Variants in COL2A1 observed in about 807,000 individuals in gnomAD.
COL2A1 encodes collagen type II alpha 1 chain.
Under a neutral mutation model 204.5 loss-of-function variants are expected in COL2A1, and 28 were observed. That is an observed-to-expected ratio of 0.14 (90% CI 0.10 to 0.19). COL2A1 has a LOEUF of 0.19. Ranked by LOEUF, COL2A1 falls within the 10% of genes least tolerant of loss-of-function variation. The pLI is 1.00. For missense variants in COL2A1, 1,388 were observed against 2,027.5 expected (o/e 0.68, Z 6.06); for synonymous variants, 708 against 718.7 (o/e 0.99, Z 0.24).
chr12:47,998,503 C>G (rs910332385), intron 2 of COL2A1, 72 bp from the exon 3 acceptor site: 2 of 1,478,278 alleles, frequency 1.4e-6, no homozygotes, highest in Non-Finnish European at 9.3e-7. Flanking sequence ...TCTTGTCACT[C>G]AAACACTCAT....
chr12:47,985,204 T>C, intron 26 of COL2A1, 111 bp from the exon 27 acceptor site: 1 of 845,286 alleles, frequency 1.2e-6, no homozygotes. Flanking sequence ...CAGCCACACA[T>C]GCTCAGCATC....
intron 12 of COL2A1, 78 bp from the exon 13 acceptor site, chr12:47,994,125 C>G (rs1939834667): frequency 1.3e-6 from 2 of 1,527,040 alleles, no homozygotes; most frequent in African/African-American, 2.7e-5. Flanking sequence ...AGGAGGGCCT[C>G]CAGTTCCCTT....
Position 47,985,117 on chromosome 12 carries a change from A to G in COL2A1, c.1735-24T>C, listed in dbSNP as rs41317933. ...CCCTGAAAGACAGAACACCATTCTCAGAACATAGACACTCTGACCACATCC... is the reference window on the plus strand; with the variant it reads ...CCCTGAAAGACAGAACACCATTCTCGGAACATAGACACTCTGACCACATCC... On this transcript the variant is annotated intron_variant, in intron 26 of 53. Coordinates refer to ENST00000380518, the MANE Select transcript of COL2A1 (RefSeq NM_001844.5). The G allele has an allele frequency of 0.063, 99,682 of 1,582,242 alleles. 3,652 individuals are homozygous for G. Among genetic ancestry groups the G allele is most frequent in the Non-Finnish European group, 0.075 (86,024 of 1,153,416 alleles).
intron 16 of COL2A1, among the ~76,000 whole-genome samples, chr12:47,990,105 C>T (rs1939636831): frequency 6.6e-6 from 1 of 152,184 alleles, no homozygotes; most frequent in African/African-American, 2.4e-5. Context: ...CTCTCAAGTT[C>T]AAGCAATTCT....
rs769447809 is a variant in COL2A1 at position 47,985,810 on chromosome 12, C to T, written c.1598G>A (p.Arg533Gln). 5.0e-6 allele frequency: 8 copies of T among 1,611,496 alleles called. No homozygotes were observed. Among genetic ancestry groups the T allele is most frequent in the East Asian group, 2.2e-5 (1 of 44,796 alleles). Residue 533 changes from arginine to glutamine, a missense_variant, in exon 25 of 54, where the codon CGA becomes CAA. This residue lies in a region of COL2A1 where 884 missense variants were observed against 1,415.8 expected (regional missense o/e 0.62). Transcript: ENST00000380518. ...GGGGCCAGCAAGACCACTGGGCCCT[C>T]GCTCTCCAGGGGCTCCCTACAAGGG... ...LAGPKGAPGE[R>Q]GPSGLAGPKG... is the part of the protein sequence containing the mutation.
Position 47,976,398 on chromosome 12 carries a change from G to T in COL2A1, c.3489+116C>A. ...GAGCCAGTCCTGCCCCCATTACTGA[G>T]TGAGGACCCCTGAGCCCACAGCTTC... is the stretch of plus-strand genomic sequence containing the variant. On this transcript the variant is annotated intron_variant, in intron 49 of 53. Coordinates refer to ENST00000380518, the MANE Select transcript of COL2A1 (RefSeq NM_001844.5). The surrounding 1 kb of genome is among the most constrained non-coding windows in gnomAD (Gnocchi z 4.3). The T allele has an allele frequency of 2.5e-6, 3 of 1,197,182 alleles. No homozygotes were observed. Among genetic ancestry groups the T allele is most frequent in the South Asian group, 1.2e-5 (1 of 81,130 alleles). 74.2% of individuals were successfully genotyped at this position (1,197,182 alleles called of 1,614,324 possible).
Position 47,979,999 on chromosome 12 carries a change from C to A in COL2A1, c.2679+10G>T. ...GAGGTGCAGGGTGGGGTGTCAGAGG[C>A]CTCACTCACCGGGGGGCCTTGGGCA... On this transcript the variant is annotated intron_variant, in intron 40 of 53. Transcript: ENST00000380518. 1 of 1,552,720 alleles carries A rather than the reference C, an allele frequency of 6.4e-7. No homozygotes were observed. The highest frequency in any genetic ancestry group is 8.7e-7 in the Non-Finnish European group (1 of 1,147,840).
chr12:47,995,999 C>T, intron 8 of COL2A1, 80 bp from the exon 9 acceptor site: 3 of 1,168,720 alleles, frequency 2.6e-6, no homozygotes, highest in Admixed American at 3.4e-5. Context: ...TCCCAGCCAA[C>T]AGCCCGGGCA....
intron 10 of COL2A1, 63 bp downstream of exon 10, chr12:47,995,647 G>C (rs1029374445): frequency 2.8e-6 from 4 of 1,451,874 alleles, no homozygotes; most frequent in Non-Finnish European, 3.9e-6. Flanking sequence ...CAGCAGCTGC[G>C]GTCCTAGTGG....
intron 36 of COL2A1, 135 bp from the exon 37 acceptor site, chr12:47,981,531 G>A: frequency 2.2e-6 from 2 of 921,990 alleles, no homozygotes; most frequent in East Asian, 2.6e-5. Context: ...GTGTTACTGT[G>A]CAGCCCATAC....
Position 47,985,500 on chromosome 12 carries a change from C to CA in COL2A1, c.1734+33dup, listed in dbSNP as rs778120248. 59 of 1,605,974 alleles carry CA rather than the reference C, an allele frequency of 3.7e-5. No individual in the cohort carries two copies. The South Asian group carries it at 5.3e-4, about 14-fold the overall frequency. On this transcript the variant is annotated intron_variant, in intron 26 of 53. Coordinates refer to ENST00000380518, the MANE Select transcript of COL2A1 (RefSeq NM_001844.5). ...CCTTGCTTCCCCAGGGAGATCCCCC[C>CA]ACCCTCCTAGCAGCCCTCAGAGGAT...
At chr12:47,986,503 C>T (rs1027509768) in intron 22 of COL2A1, 60 bp from the exon 23 acceptor site, 9 of 1,101,714 alleles carry the variant, frequency 8.2e-6, no homozygotes, top group South Asian at 2.7e-5. Context: ...GAGCAAGCCT[C>T]GACTCAGAGT....
chr12:47,984,468 A>G, intron 28 of COL2A1, 78 bp downstream of exon 28: 1 of 1,455,958 alleles, frequency 6.9e-7, no homozygotes, highest in Non-Finnish European at 9.6e-7. Flanking sequence ...GGACCATGCC[A>G]TGGGGAGGCC....
At position 47,978,451 on chromosome 12, in the gene COL2A1, T is replaced by C. The variant is rs1938852712; in HGVS notation, c.2896-53A>G. On this transcript the variant is annotated intron_variant, in intron 42 of 53. Coordinates refer to ENST00000380518, the MANE Select transcript of COL2A1 (RefSeq NM_001844.5). This position sits in a 1 kb window ranked among gnomAD's most constrained non-coding sequence, Gnocchi z 5.5. ...ACTGACAGTGGCCCAGCCTCTTCTG[T>C]CCTCTCAGCACAGCTCTGTCTGTGC... 6.3e-7 allele frequency: 1 copy of C among 1,593,394 alleles called. No homozygotes were observed.
Position 47,978,776 on chromosome 12 carries a change from G to T in COL2A1, c.2734-18C>A, listed in dbSNP as rs570573455. ...GGGTTGCCCTAGAAGGAGAAAATGCGGGAAGTGAGGACTCATCTCACCCTT... is the reference window on the plus strand; with the variant it reads ...GGGTTGCCCTAGAAGGAGAAAATGCTGGAAGTGAGGACTCATCTCACCCTT... On this transcript the variant is annotated intron_variant, in intron 41 of 53. Coordinates refer to ENST00000380518, the MANE Select transcript of COL2A1 (RefSeq NM_001844.5). The surrounding 1 kb of genome is among the most constrained non-coding windows in gnomAD (Gnocchi z 5.5). The T allele has an allele frequency of 3.1e-6, 5 of 1,610,540 alleles. No homozygotes were observed. Among genetic ancestry groups the T allele is most frequent in the Non-Finnish European group, 4.2e-6 (5 of 1,179,714 alleles).
intron 1 of COL2A1, among the ~76,000 whole-genome samples, chr12:48,000,428 C>T (rs778777492): frequency 7.2e-5 from 11 of 152,010 alleles, no homozygotes; most frequent in African/African-American, 2.4e-4. Flanking sequence ...CCACCTAATA[C>T]GGGGGAGACC....
At position 47,987,556 on chromosome 12, in the gene COL2A1, A is replaced by C; in HGVS notation, c.1221+55T>G. 1.4e-6 allele frequency: 2 copies of C among 1,460,998 alleles called. No homozygotes were observed. The highest frequency in any genetic ancestry group is 1.9e-6 in the Non-Finnish European group (2 of 1,055,922). The allele number at this position is 1,460,998 out of a possible 1,614,324, so 90.5% of individuals were successfully genotyped here. A position where few individuals can be genotyped will look rare whatever the true frequency, so the allele number is the denominator to read the frequency against. ...TGTCAGAGCAAAGTACAGAGTCAAG[A>C]GTTCCAAAGCCACAGACCCCAGACC... On this transcript the variant is annotated intron_variant, in intron 19 of 53. Transcript: ENST00000380518. This position sits in a 1 kb window ranked among gnomAD's most constrained non-coding sequence, Gnocchi z 4.1.
At position 47,983,454 on chromosome 12, in the gene COL2A1, A is replaced by G; in HGVS notation, c.1996-16T>C. 6.2e-7 allele frequency: 1 copy of G among 1,613,912 alleles called. No individual in the cohort carries two copies. Among genetic ancestry groups the G allele is most frequent in the Non-Finnish European group, 8.5e-7 (1 of 1,179,842 alleles). ...CAGGAAGTCCCTAGAAGCCGAAGTG[A>G]CAAGCGTTAGCAAAGGAGTGAGTTT... On this transcript the variant is annotated splice_polypyrimidine_tract_variant and intron_variant, in intron 30 of 53. Coordinates refer to ENST00000380518, the MANE Select transcript of COL2A1 (RefSeq NM_001844.5).
rs1049372624 is a variant in COL2A1, at chr12:47,987,516, G to T, written c.1221+95C>A. On this transcript the variant is annotated intron_variant, in intron 19 of 53. Transcript: ENST00000380518. The surrounding 1 kb of genome is among the most constrained non-coding windows in gnomAD (Gnocchi z 4.1). ...ATTGGGCCAGAATGAAGGTTTGGTG[G>T]TTGGAGCCCACAACTGTCAGAGCAA... 6 of 1,209,684 alleles carry T rather than the reference G, an allele frequency of 5.0e-6. No individual in the cohort carries two copies. The highest frequency in any genetic ancestry group is 7.2e-6 in the Non-Finnish European group (6 of 835,958). 74.9% of individuals were successfully genotyped at this position (1,209,684 alleles called of 1,614,324 possible). A position where few individuals can be genotyped will look rare whatever the true frequency, so the allele number is the denominator to read the frequency against.
Sources: gnomAD v4.1 joint callset for allele counts (sites outside exome capture counted in the v4.1 genomes callset) on GRCh38, gnomAD v4.1.1 for gene constraint, gnomAD v4.1.1 regional missense constraint, Gnocchi (gnomAD v3.1) non-coding constraint, MANE v1.5 for transcripts, NCBI Gene and HGNC (gene_info 2026-07-23, HGNC 2026-07-21) for gene names.